JCAD: variants seen among roughly 807,000 people sequenced by gnomAD.
JCAD encodes the protein junctional cadherin 5-associated protein.
Under a neutral mutation model 98.0 loss-of-function variants are expected in JCAD, and 40 were observed. The ratio of observed to expected loss-of-function variants is 0.41; its 90% CI spans 0.32 to 0.53. The LOEUF (loss-of-function observed/expected upper bound fraction) is 0.53. Ranked by LOEUF, JCAD falls within the 20% of genes least tolerant of loss-of-function variation. The pLI, the probability that JCAD is intolerant of heterozygous loss-of-function variation, is 0.31. For synonymous variants in JCAD, 691 were observed against 682.3 expected (o/e 1.01, Z -0.20); for missense variants, 1,705 against 1,738.1 (o/e 0.98, Z 0.34).
chr10:30,059,648 C>CCCGCCCACCGCCCGGG (rs1837664690), upstream of JCAD: 4 of 152,462 alleles, frequency 2.6e-5, no homozygotes, highest in African/African-American at 9.7e-5. The surrounding 1 kb of genome is among the most constrained non-coding windows in gnomAD (Gnocchi z 5.0). Flanking sequence ...CCGGGGCTGC[C>CCCGCCCACCGCCCGGG]TCCTCTGCGC....
chr10:30,063,102 A>G (rs565103856), upstream of JCAD, among the ~76,000 whole-genome samples: 7 of 150,856 alleles, frequency 4.6e-5, no homozygotes, highest in South Asian at 4.3e-4. Flanking sequence ...TTTTCCTGCA[A>G]TTTGGGTCTC....
intron 2 of JCAD, among the ~76,000 whole-genome samples, chr10:30,035,025 G>A (rs868201219): frequency 5.9e-5 from 9 of 152,250 alleles, no homozygotes; most frequent in Non-Finnish European, 7.4e-5. Flanking sequence ...GGAGGAAACC[G>A]TACCGTGTGG....
Position 30,013,066 on chromosome 10 carries a change from G to A in JCAD, c.*4817C>T, listed in dbSNP as rs1057207448. ...GGGGCGATGACTGCAGCCGGCAATCGGCCATTACCAATGGTGTCTTTCTGG... is the reference window on the plus strand; with the variant it reads ...GGGGCGATGACTGCAGCCGGCAATCAGCCATTACCAATGGTGTCTTTCTGG... On this transcript the variant is annotated 3_prime_UTR_variant, in exon 4 of 4. Coordinates refer to ENST00000375377, the MANE Select transcript of JCAD (RefSeq NM_020848.4). 1 of 152,178 alleles carries A rather than the reference G, an allele frequency of 6.6e-6. No homozygotes were observed. The highest frequency in any genetic ancestry group is 2.4e-5 in the African/African-American group (1 of 41,408). The allele number at this position is 152,178 out of a possible 1,614,324, so 9.4% of individuals were successfully genotyped here.
chr10:30,085,170 T>G (rs945495209), intron 1 of JCAD, among the ~76,000 whole-genome samples: 1 of 152,172 alleles, frequency 6.6e-6, no homozygotes, highest in Non-Finnish European at 1.5e-5. Context: ...TTTTCCCTAT[T>G]TCAAAGGAGT....
chr10:30,049,150 C>T (rs760281432), intron 1 of JCAD, among the ~76,000 whole-genome samples: 14 of 152,154 alleles, frequency 9.2e-5, no homozygotes, highest in Non-Finnish European at 1.8e-4. Context: ...AGGCGTAAGA[C>T]GGATTGGTCA....
At chr10:30,022,816 C>T (rs900157961) in intron 3 of JCAD, among the ~76,000 whole-genome samples, 3 of 152,116 alleles carry the variant, frequency 2.0e-5, no homozygotes, top group African/African-American at 7.2e-5. Context: ...TGTCATAGTG[C>T]AATCAATTTT....
rs1836551057 is a variant in JCAD at position 30,017,152 on chromosome 10, C to G, written c.*731G>C. On this transcript the variant is annotated 3_prime_UTR_variant, in exon 4 of 4. Transcript: ENST00000375377. Reference sequence around the variant, plus strand: ...TTTTCATATAAAGAATTTCTAAATACCCATACAGAAAATAAAAATAGATAA... The same window carrying G: ...TTTTCATATAAAGAATTTCTAAATAGCCATACAGAAAATAAAAATAGATAA... 1 of 152,004 alleles carries G rather than the reference C, an allele frequency of 6.6e-6. No individual in the cohort carries two copies. The highest frequency in any genetic ancestry group is 1.5e-5 in the Non-Finnish European group (1 of 67,994). The allele number at this position is 152,004 out of a possible 1,614,324, so 9.4% of individuals were successfully genotyped here. A position where few individuals can be genotyped will look rare whatever the true frequency, so the allele number is the denominator to read the frequency against.
rs1836516458 is a variant in JCAD at position 30,015,625 on chromosome 10, C to CA, written c.*2257dup. 1 of 152,072 alleles carries CA rather than the reference C, an allele frequency of 6.6e-6. No individual in the cohort carries two copies. The highest frequency in any genetic ancestry group is 1.5e-5 in the Non-Finnish European group (1 of 68,016). 9.4% of individuals were successfully genotyped at this position (152,072 alleles called of 1,614,324 possible). A position where few individuals can be genotyped will look rare whatever the true frequency, so the allele number is the denominator to read the frequency against. On this transcript the variant is annotated 3_prime_UTR_variant, in exon 4 of 4. Transcript: ENST00000375377. ...TTTGGTTTGAGAATCACAGAAGGTACAACAGTTTTTCTTCCTTGGGGATCC... is the reference window on the plus strand; with the variant it reads ...TTTGGTTTGAGAATCACAGAAGGTACAAACAGTTTTTCTTCCTTGGGGATCC...
intron 1 of JCAD, among the ~76,000 whole-genome samples, chr10:30,072,890 G>A (rs926917582): frequency 5.6e-4 from 86 of 152,246 alleles, no homozygotes; most frequent in African/African-American, 1.9e-3. Context: ...GTGCCACCTC[G>A]GTCTCCTGAA....
chr10:30,036,472 A>G (rs1189561068), intron 2 of JCAD, among the ~76,000 whole-genome samples: 1 of 151,950 alleles, frequency 6.6e-6, no homozygotes, highest in African/African-American at 2.4e-5. Context: ...AACAAAAAAA[A>G]TGCAACATTT....
chr10:30,037,136 CTG>C (rs1837131407), intron 2 of JCAD, among the ~76,000 whole-genome samples: 1 of 152,250 alleles, frequency 6.6e-6, no homozygotes, highest in Non-Finnish European at 1.5e-5. Flanking sequence ...ACCAACCCCG[CTG>C]TCAGGTGCCT....
chr10:30,059,121 C>T lies in JCAD; in HGVS notation c.-60+361G>A, dbSNP rs992399641. Among the ~76,000 whole-genome samples the T allele has an allele frequency of 4.6e-5, 7 of 151,962 alleles. No individual in the cohort carries two copies. The East Asian group carries it at 1.2e-3, about 25-fold the overall frequency. On this transcript the variant is annotated intron_variant, in intron 1 of 3. Coordinates refer to ENST00000375377, the MANE Select transcript of JCAD (RefSeq NM_020848.4). This position sits in a 1 kb window ranked among gnomAD's most constrained non-coding sequence, Gnocchi z 5.0. ...TCGAGAGGGGAGTGAGTGACCCCGG[C>T]CCCCCAGGCCCTCCGCGCGCCGAGG...
chr10:30,056,759 A>G (rs1239409160), intron 1 of JCAD, among the ~76,000 whole-genome samples: 1 of 152,238 alleles, frequency 6.6e-6, no homozygotes, highest in African/African-American at 2.4e-5. Flanking sequence ...TTGGTTATAG[A>G]TAATCCAAAT....
At chr10:30,033,012 A>G (rs144369838) in intron 2 of JCAD, among the ~76,000 whole-genome samples, 408 of 152,312 alleles carry the variant, frequency 2.7e-3, no homozygotes, top group Admixed American at 4.7e-3. Flanking sequence ...TGTACCATGC[A>G]TGGTGCTAAG....
chr10:30,058,584 GA>G (rs1003857481), intron 1 of JCAD, among the ~76,000 whole-genome samples: 34 of 152,206 alleles, frequency 2.2e-4, no homozygotes, highest in African/African-American at 8.2e-4. Flanking sequence ...CTTCTTGACG[GA>G]AGCGAGAGGG....
chr10:30,069,447 A>C (rs1034661225), intron 2 of JCAD, among the ~76,000 whole-genome samples: 33 of 8,844 alleles, frequency 3.7e-3, no homozygotes, highest in African/African-American at 8.6e-3. Flanking sequence ...GAAAATTTAC[A>C]AAAAAAAAAA....
At chr10:30,038,349 C>A (rs574065812) in intron 2 of JCAD, among the ~76,000 whole-genome samples, 31 of 152,044 alleles carry the variant, frequency 2.0e-4, no homozygotes, top group African/African-American at 7.2e-4. Flanking sequence ...TGCAAGGGGG[C>A]GCCTCATTGA....
chr10:30,079,346 C>CAAA (rs373809311), intron 1 of JCAD, among the ~76,000 whole-genome samples: 72 of 64,502 alleles, frequency 1.1e-3, no homozygotes, highest in Middle Eastern at 9.3e-3. Context: ...GACTCCATCT[C>CAAA]AAAAAAAAAA....
At chr10:30,102,333 G>A (rs566805793) in intron 1 of JCAD, among the ~76,000 whole-genome samples, 14 of 151,938 alleles carry the variant, frequency 9.2e-5, no homozygotes, top group East Asian at 1.9e-4. Flanking sequence ...CACCATGTCC[G>A]GCTAATTTTT....
Sources: allele counts gnomAD v4.1 joint callset (sites outside exome capture counted in the v4.1 genomes callset), GRCh38; gene constraint gnomAD v4.1.1; non-coding constraint Gnocchi (gnomAD v3.1); transcripts MANE v1.5; gene names NCBI Gene and HGNC (gene_info 2026-07-23, HGNC 2026-07-21).